Variants in NRXN3 observed in about 807,000 individuals in gnomAD.
The protein encoded by NRXN3 is neurexin 3.
NRXN3 carries 32 observed loss-of-function variants against 137.6 expected under a neutral mutation model. The observed-to-expected ratio is 0.23, with a 90% CI of 0.18 to 0.31. The LOEUF is 0.31. NRXN3 is among the 10% of genes least tolerant of loss of function. The pLI is 1.00. For synonymous variants in NRXN3, 798 were observed against 784.5 expected (o/e 1.02, Z -0.29); for missense variants, 1,574 against 2,062.5 (o/e 0.76, Z 4.59).
chr14:78,822,286 A>G (rs188443895), intron 10 of NRXN3, among the ~76,000 whole-genome samples: 237 of 152,340 alleles, frequency 1.6e-3, no homozygotes, highest in Non-Finnish European at 2.6e-3. Context: ...GATTTCTGCC[A>G]TTATGGGATA....
chr14:79,793,203 G>A lies in NRXN3; in HGVS notation c.4015-11909G>A, dbSNP rs541246702. On this transcript the variant is annotated intron_variant, in intron 19 of 20. Coordinates refer to ENST00000335750, the MANE Select transcript of NRXN3 (RefSeq NM_001330195.2). ...TCCCAGCACTTTGGGAGGCCGAGGC[G>A]GGCGGATCACGAGGTCAGGAGATCG... Among the ~76,000 whole-genome samples the A allele has an allele frequency of 2.5e-3, 378 of 152,102 alleles. 2 individuals are homozygous for A. Among genetic ancestry groups the A allele is most frequent in the Middle Eastern group, 6.8e-3 (2 of 294 alleles).
chr14:78,953,793 A>G (rs17757946), intron 10 of NRXN3, among the ~76,000 whole-genome samples: 9,064 of 152,264 alleles, frequency 0.06, 406 homozygotes, highest in Admixed American at 0.084. Context: ...TAAACTATAA[A>G]AGAGGGAAAA....
chr14:79,443,271 TGAA>T (rs369164008), intron 15 of NRXN3, among the ~76,000 whole-genome samples: 10 of 152,320 alleles, frequency 6.6e-5, no homozygotes, highest in African/African-American at 2.2e-4. Flanking sequence ...GATTTTTTTA[TGAA>T]GAAGAAGGAT....
intron 15 of NRXN3, among the ~76,000 whole-genome samples, chr14:79,348,462 G>A (rs2093018327): frequency 2.0e-5 from 3 of 148,878 alleles, no homozygotes; most frequent in African/African-American, 7.5e-5. Flanking sequence ...TGCAAGCTCC[G>A]CCTCCCGGGT....
chr14:79,080,497 T>G (rs562986408), intron 15 of NRXN3, among the ~76,000 whole-genome samples: 1 of 140,032 alleles, frequency 7.1e-6, no homozygotes, highest in African/African-American at 3.3e-5. Flanking sequence ...CCACACACAC[T>G]TTTCCCCCAG....
chr14:79,417,313 A>G (rs1354899795), intron 15 of NRXN3, among the ~76,000 whole-genome samples: 6 of 152,142 alleles, frequency 3.9e-5, no homozygotes, highest in Admixed American at 3.9e-4. Flanking sequence ...AGTTTTTATT[A>G]ATTAAACCTG....
intron 4 of NRXN3, among the ~76,000 whole-genome samples, chr14:78,350,922 A>G (rs1003909496): frequency 6.6e-6 from 1 of 152,190 alleles, no homozygotes; most frequent in African/African-American, 2.4e-5. Flanking sequence ...CCCAGAATGA[A>G]CAAATATTTA....
At chr14:79,854,363 C>T (rs1255729494) in intron 20 of NRXN3, 2 of 157,762 alleles carry the variant, frequency 1.3e-5, no homozygotes, top group African/African-American at 4.8e-5. Flanking sequence ...TTGTGAATGC[C>T]TCAATGTTAT....
chr14:78,644,994 G>C (rs2097672628), intron 4 of NRXN3, 126 bp from the exon 5 acceptor site: 1 of 743,160 alleles, frequency 1.3e-6, no homozygotes, highest in African/African-American at 1.8e-5. Context: ...GAATTGAAGG[G>C]AGTGCTGTGT....
chr14:79,772,851 T>A (rs2099083387), intron 19 of NRXN3, among the ~76,000 whole-genome samples: 1 of 151,984 alleles, frequency 6.6e-6, no homozygotes, highest in Admixed American at 6.6e-5. Flanking sequence ...ACCTACAAAA[T>A]GGGAGAAAAT....
At chr14:79,673,752 G>T (rs894147602) in intron 17 of NRXN3, among the ~76,000 whole-genome samples, 3 of 152,086 alleles carry the variant, frequency 2.0e-5, no homozygotes, top group African/African-American at 7.2e-5. Context: ...GGATCCTCAA[G>T]TGTAGTTGAA....
At chr14:78,691,329 A>C (rs1341912677) in intron 6 of NRXN3, among the ~76,000 whole-genome samples, 1 of 152,154 alleles carries the variant, frequency 6.6e-6, no homozygotes, top group African/African-American at 2.4e-5. Context: ...CTCCTATATC[A>C]TCGGTGGTTG....
chr14:78,237,986 G>A (rs969418634), intron 1 of NRXN3, among the ~76,000 whole-genome samples: 5 of 152,148 alleles, frequency 3.3e-5, no homozygotes, highest in East Asian at 3.9e-4. Context: ...TAGACAGTCC[G>A]ACTTCCTTGA....
chr14:79,600,985 T>G (rs1393423433), intron 16 of NRXN3, among the ~76,000 whole-genome samples: 5 of 151,658 alleles, frequency 3.3e-5, no homozygotes, highest in African/African-American at 1.2e-4. Flanking sequence ...TTTCTATCTG[T>G]GTTCTTAACA....
intron 19 of NRXN3, among the ~76,000 whole-genome samples, chr14:79,719,049 A>G (rs1603449095): frequency 1.3e-5 from 2 of 152,136 alleles, no homozygotes; most frequent in South Asian, 2.1e-4. Context: ...TTAGAAAACA[A>G]TGCTGACCAG....
intron 1 of NRXN3, among the ~76,000 whole-genome samples, chr14:78,179,778 C>T (rs764726143): frequency 1.1e-4 from 16 of 147,614 alleles, no homozygotes; most frequent in African/African-American, 2.2e-4. Context: ...TACCCAGTCT[C>T]GTGTTCAGCA....
At chr14:79,061,818 G>T (rs377090201) in intron 15 of NRXN3, among the ~76,000 whole-genome samples, 1 of 151,974 alleles carries the variant, frequency 6.6e-6, no homozygotes, top group Non-Finnish European at 1.5e-5. Context: ...TCCCCATCCC[G>T]GCCCATCCCT....
intron 15 of NRXN3, among the ~76,000 whole-genome samples, chr14:79,173,440 G>A (rs1357306579): frequency 6.6e-6 from 1 of 150,548 alleles, no homozygotes; most frequent in South Asian, 2.1e-4. Flanking sequence ...ACTGAGGTAG[G>A]AGGGCTGCTT....
intron 16 of NRXN3, among the ~76,000 whole-genome samples, chr14:79,473,880 A>G (rs1185608563): frequency 6.6e-6 from 1 of 152,198 alleles, no homozygotes; most frequent in African/African-American, 2.4e-5. Flanking sequence ...ATCCCAGCAG[A>G]GTCGGAGAAG....
Sources: gnomAD v4.1 joint callset for allele counts (sites outside exome capture counted in the v4.1 genomes callset) on GRCh38, gnomAD v4.1.1 for gene constraint, MANE v1.5 for transcripts, NCBI Gene and HGNC (gene_info 2026-07-23, HGNC 2026-07-21) for gene names.